The following STARD8 variants were observed in gnomAD, a reference collection of about 807,000 sequenced individuals.
The protein encoded by STARD8 is StAR related lipid transfer domain containing 8, also known as stAR-related lipid transfer protein 8.
In STARD8, 25 loss-of-function variants were observed where a neutral mutation model predicts 69.4. The observed-to-expected ratio is 0.36, with a 90% confidence interval of 0.26 to 0.50. The LOEUF (loss-of-function observed/expected upper bound fraction) is 0.50, where lower values mean the gene tolerates loss of function less well. Ranked by LOEUF, STARD8 falls within the 20% of genes least tolerant of loss-of-function variation. The pLI is 0.96. For synonymous variants in STARD8, 389 were observed against 374.6 expected (o/e 1.04, Z -0.45); for missense variants, 921 against 932.5 (o/e 0.99, Z 0.16).
At position 68,667,987 on chromosome X, in the gene STARD8, A is replaced by T. The variant is rs139153934; in HGVS notation, c.79+2455A>T. Among the ~76,000 whole-genome samples, 339 of 111,351 alleles carry T rather than the reference A, an allele frequency of 3.0e-3. 3 individuals carry two copies. The highest frequency in any genetic ancestry group is 0.011 in the African/African-American group (327 of 30,673). On this transcript the variant is annotated intron_variant, in intron 2 of 14. Coordinates refer to ENST00000374599, the MANE Select transcript of STARD8 (RefSeq NM_001142503.3). ...AGGACCAGCCAGGGACTTTTTAGTG[A>T]CAAAAAAGCCAAAATACTGACTCTG...
At chrX:68,659,127 A>G (rs2079628930) in intron 1 of STARD8, among the ~76,000 whole-genome samples, 1 of 112,031 alleles carries the variant, frequency 8.9e-6, no homozygotes, top group African/African-American at 3.2e-5. Context: ...CTTACCTACA[A>G]CATGAGGAGA....
rs139816668 is a variant in STARD8 at position 68,720,284 on chromosome X, G to A, written c.1910G>A (p.Arg637Lys). 359 of 1,202,154 alleles carry A rather than the reference G, an allele frequency of 3.0e-4. No homozygotes were observed. The African/African-American group carries it at 5.6e-3, about 19-fold the overall frequency. Residue 637 changes from arginine (R) to lysine (K), a missense_variant, in exon 8 of 15, where the codon AGG becomes AAG. By Grantham distance (26) the Arg-to-Lys change is conservative (BLOSUM62 2). Transcript: ENST00000374599. The stretch of plus-strand genomic sequence containing the variant: ...AACAGGTCAATGCCCAAGTTCATGA[G>A]GAGGAACAAGACCCCAGATTACCGG... ...GWVWSMPKFM[R>K]RNKTPDYRGQ...
chrX:68,677,198 C>A (rs1183588465), intron 2 of STARD8, among the ~76,000 whole-genome samples: 1 of 111,196 alleles, frequency 9.0e-6, no homozygotes, highest in Non-Finnish European at 1.9e-5. Context: ...GGAGTCTAAG[C>A]ACTTAGATTT....
chrX:68,674,167 G>A (rs2079748437), intron 2 of STARD8, among the ~76,000 whole-genome samples: 1 of 109,800 alleles, frequency 9.1e-6, no homozygotes, highest in South Asian at 4.0e-4. Context: ...GGTGGTGGGT[G>A]CCTGTAATCC....
chrX:68,686,562 GCCAGGCAGCC>G (rs1163633189), intron 2 of STARD8, among the ~76,000 whole-genome samples: 1 of 113,112 alleles, frequency 8.8e-6, no homozygotes. Context: ...TGAACTGAGA[GCCAGGCAGCC>G]CCAGGCGGGG....
intron 2 of STARD8, among the ~76,000 whole-genome samples, chrX:68,670,706 T>C (rs2079723060): frequency 9.0e-6 from 1 of 111,265 alleles, no homozygotes; most frequent in Non-Finnish European, 1.9e-5. Flanking sequence ...GAAGGTCCTG[T>C]GGATCCTTCA....
intron 1 of STARD8, among the ~76,000 whole-genome samples, chrX:68,664,337 C>T (rs2079669519): frequency 8.9e-6 from 1 of 111,955 alleles, no homozygotes; most frequent in South Asian, 3.7e-4. Flanking sequence ...GATCTCCCCA[C>T]TTCCACCCTG....
chrX:68,654,787 G>C lies in STARD8; in HGVS notation c.45+6860G>C, dbSNP rs187619507. 1.2e-4 allele frequency among the ~76,000 whole-genome samples: 13 copies of C among 111,857 alleles called. 1 individual carries two copies. In the East Asian group the frequency reaches 3.7e-3, roughly 32 times the overall value. On this transcript the variant is annotated intron_variant, in intron 1 of 14. Transcript: ENST00000374599. ...GTGAGCATGCATCCTCCTTATGTGT[G>C]CTTGCCCATACCCCAGCCCCTCTCT...
At chrX:68,692,704 T>C (rs191701614) in intron 2 of STARD8, among the ~76,000 whole-genome samples, 51 of 112,454 alleles carry the variant, frequency 4.5e-4, no homozygotes, top group Non-Finnish European at 7.5e-4. Context: ...ACAAAAAATG[T>C]AAAAATTAGC....
intron 2 of STARD8, among the ~76,000 whole-genome samples, chrX:68,671,600 T>TATCA (rs1360120292): frequency 1.8e-5 from 2 of 112,549 alleles, no homozygotes; most frequent in Non-Finnish European, 3.8e-5. Flanking sequence ...CTTTCTTCCC[T>TATCA]ATCATTTCAG....
At chrX:68,653,296 C>A (rs1365740426) in intron 1 of STARD8, among the ~76,000 whole-genome samples, 6 of 24,365 alleles carry the variant, frequency 2.5e-4, no homozygotes, top group East Asian at 1.4e-3. Flanking sequence ...CACCACACAC[C>A]ACACACACAC....
At chrX:68,704,440 C>T (rs756278583) in intron 2 of STARD8, among the ~76,000 whole-genome samples, 2 of 111,013 alleles carry the variant, frequency 1.8e-5, no homozygotes, top group East Asian at 2.8e-4. Context: ...TAGAGCTGGG[C>T]TCTTGGAAGA....
rs150136305 is a variant in STARD8, at chrX:68,717,371, C to G, written c.457C>G (p.Leu153Val). Residue 153 changes from leucine (L) to valine (V), a missense_variant, in exon 6 of 15, where the codon CTT (leucine) becomes GTT (valine). Coordinates refer to ENST00000374599, the MANE Select transcript of STARD8 (RefSeq NM_001142503.3). ...AAGCTGTGAGAGCGTCCTCACCGAGCTTAGTGCCACCTCTCTGCCAGTCAT... is the reference window on the plus strand; with the variant it reads ...AAGCTGTGAGAGCGTCCTCACCGAGGTTAGTGCCACCTCTCTGCCAGTCAT... ...TSSCESVLTE[L>V]SATSLPVITV... 8.3e-7 allele frequency: 1 copy of G among 1,206,271 alleles called. No individual in the cohort carries two copies. Among genetic ancestry groups the G allele is most frequent in the African/African-American group, 1.8e-5 (1 of 56,408 alleles).
At chrX:68,720,178 C>A in intron 7 of STARD8, 86 bp from the exon 8 acceptor site, 3 of 1,053,039 alleles carry the variant, frequency 2.8e-6, no homozygotes, top group African/African-American at 1.9e-5. Flanking sequence ...CCTTACCCCC[C>A]TCACCCCACC....
intron 2 of STARD8, among the ~76,000 whole-genome samples, chrX:68,689,715 G>A (rs1158529244): frequency 8.9e-6 from 1 of 111,989 alleles, no homozygotes; most frequent in Non-Finnish European, 1.9e-5. Context: ...AGGGCTCTGA[G>A]CTCAGCACAG....
At chrX:68,720,856 C>A in intron 8 of STARD8, 68 bp from the exon 9 acceptor site, 1 of 1,064,406 alleles carries the variant, frequency 9.4e-7, no homozygotes, top group South Asian at 2.1e-5. Flanking sequence ...CAGTCTAGGG[C>A]TGGCCTCACA....
chrX:68,672,718 A>AC (rs35990262), intron 2 of STARD8, among the ~76,000 whole-genome samples: 10 of 104,682 alleles, frequency 9.6e-5, no homozygotes, highest in African/African-American at 3.8e-4. Context: ...ACAGCGCCCC[A>AC]CCCCCCATGG....
At position 68,719,654 on chromosome X, in the gene STARD8, TCA is replaced by T. The variant is rs1202070010; in HGVS notation, c.1889+258_1889+259del. On this transcript the variant is annotated intron_variant, in intron 7 of 14. Transcript: ENST00000374599. ...TTGTCCTAAAATGCAGCTGTGGTTG[TCA>T]CTCTCCAGATAAACACTTTTCTCTG... 3.6e-5 allele frequency among the ~76,000 whole-genome samples: 4 copies of T among 112,478 alleles called. No homozygotes were observed. In the Admixed American group the frequency reaches 3.7e-4, roughly 10 times the overall value.
At chrX:68,671,255 G>C (rs991137275) in intron 2 of STARD8, among the ~76,000 whole-genome samples, 1 of 112,530 alleles carries the variant, frequency 8.9e-6, no homozygotes, top group African/African-American at 3.2e-5. Context: ...TAGACAGACA[G>C]TGAATTCTCA....
Sources: allele counts gnomAD v4.1 joint callset (sites outside exome capture counted in the v4.1 genomes callset), GRCh38; gene constraint gnomAD v4.1.1; transcripts MANE v1.5; gene names NCBI Gene and HGNC (gene_info 2026-07-23, HGNC 2026-07-21).